Variants in RASA2 observed in about 807,000 individuals in gnomAD.
RASA2 encodes ras GTPase-activating protein 2.
RASA2 carries 155 observed loss-of-function variants against 118.2 expected under a neutral mutation model. The observed-to-expected ratio is 1.31, with a 90% CI of 1.15 to 1.50. The LOEUF (loss-of-function observed/expected upper bound fraction) is 1.50. Among genes scored for constraint, RASA2 ranks in the 40% most tolerant of loss-of-function variants. The probability of loss-of-function intolerance (pLI) is 0.00; values close to 1 mark genes in which losing one functional copy is unlikely to be tolerated. For synonymous variants in RASA2, 353 were observed against 349.1 expected, an observed-to-expected ratio of 1.01 and a Z score of -0.12; for missense variants, 1,016 against 1,009.6, an observed-to-expected ratio of 1.01 and a Z score of -0.09.
chr3:141,523,273 C>T (rs976000451), intron 3 of RASA2, among the ~76,000 whole-genome samples: 2 of 151,942 alleles, frequency 1.3e-5, no homozygotes, highest in African/African-American at 4.8e-5. Context: ...TTACAAATAC[C>T]CACCCCCACA....
chr3:141,579,395 G>T (rs1397112982), intron 15 of RASA2: 1 of 152,224 alleles, frequency 6.6e-6, no homozygotes, highest in East Asian at 1.9e-4. Flanking sequence ...AGGGAACACC[G>T]TTTAGTCAAT....
At chr3:141,522,836 T>G (rs2082131213) in intron 3 of RASA2, among the ~76,000 whole-genome samples, 1 of 152,152 alleles carries the variant, frequency 6.6e-6, no homozygotes, top group South Asian at 2.1e-4. Flanking sequence ...ACTGAGGGCT[T>G]TTCTGGTCCC....
At chr3:141,525,874 G>A (rs992539036) in intron 3 of RASA2, 3 of 151,908 alleles carry the variant, frequency 2.0e-5, no homozygotes, top group Non-Finnish European at 4.4e-5. Context: ...ACAATCTTTG[G>A]GACTATTAGA....
chr3:141,591,737 G>T (rs2083287805), intron 19 of RASA2, among the ~76,000 whole-genome samples: 1 of 151,700 alleles, frequency 6.6e-6, no homozygotes, highest in Admixed American at 6.6e-5. Flanking sequence ...AAATGCCCTA[G>T]CTTATATAGC....
chr3:141,496,846 C>T (rs2081709699), intron 1 of RASA2, among the ~76,000 whole-genome samples: 2 of 152,110 alleles, frequency 1.3e-5, no homozygotes, highest in Admixed American at 1.3e-4. Flanking sequence ...AATCATGCTG[C>T]TACAAAGACA....
At chr3:141,610,877 T>C (rs1172977761) in intron 23 of RASA2, among the ~76,000 whole-genome samples, 1 of 152,098 alleles carries the variant, frequency 6.6e-6, no homozygotes. Flanking sequence ...TTACTGATCC[T>C]CCTTCTACAG....
At chr3:141,556,681 G>A (rs1356349772) in intron 7 of RASA2, among the ~76,000 whole-genome samples, 3 of 152,006 alleles carry the variant, frequency 2.0e-5, no homozygotes, top group Non-Finnish European at 2.9e-5. Flanking sequence ...TTCTAATAAA[G>A]CATGTTGCAG....
chr3:141,499,501 A>G (rs2081748639), intron 1 of RASA2, among the ~76,000 whole-genome samples: 1 of 152,220 alleles, frequency 6.6e-6, no homozygotes, highest in Admixed American at 6.5e-5. Flanking sequence ...ATATTCCTAG[A>G]GTCCTGTGCC....
intron 5 of RASA2, among the ~76,000 whole-genome samples, chr3:141,543,143 T>C (rs2082430257): frequency 6.6e-6 from 1 of 152,022 alleles, no homozygotes. Context: ...TTGAACACTT[T>C]TTAGAATTCC....
chr3:141,546,574 A>G (rs1249844848), intron 5 of RASA2, among the ~76,000 whole-genome samples: 1 of 152,162 alleles, frequency 6.6e-6, no homozygotes, highest in Non-Finnish European at 1.5e-5. Context: ...TGACCTCCTT[A>G]CATATTCTGG....
chr3:141,594,638 C>T (rs1417054883), intron 19 of RASA2, among the ~76,000 whole-genome samples: 1 of 151,964 alleles, frequency 6.6e-6, no homozygotes, highest in Admixed American at 6.6e-5. Context: ...GTTTAAAATG[C>T]TAAAGGAACA....
chr3:141,560,002 G>A lies in RASA2; in HGVS notation c.863+7G>A. 1 of 1,605,128 alleles carries A rather than the reference G, an allele frequency of 6.2e-7. No homozygotes were observed. Among genetic ancestry groups the A allele is most frequent in the Non-Finnish European group, 8.5e-7 (1 of 1,172,330 alleles). Reference sequence around the variant, plus strand: ...ATTCCTCTCATCAAGCCTGGTAAGGGCCCAGCATTTTAGTGAACTCCATAG... The same window carrying A: ...ATTCCTCTCATCAAGCCTGGTAAGGACCCAGCATTTTAGTGAACTCCATAG... On this transcript the variant is annotated splice_region_variant and intron_variant, in intron 9 of 23. Transcript: ENST00000286364.
At chr3:141,557,530 T>C (rs1006474326) in intron 7 of RASA2, among the ~76,000 whole-genome samples, 2 of 152,070 alleles carry the variant, frequency 1.3e-5, no homozygotes, top group African/African-American at 4.8e-5. Context: ...ATTAGAAAGG[T>C]AGAGTAAGAC....
At chr3:141,493,617 CAGT>C (rs60789293) in intron 1 of RASA2, among the ~76,000 whole-genome samples, 6,407 of 152,162 alleles carry the variant, frequency 0.042, 440 homozygotes, top group African/African-American at 0.15. Context: ...TAAAAGGTAT[CAGT>C]AGAAAGGTTG....
At chr3:141,499,844 C>T (rs1258579239) in intron 1 of RASA2, among the ~76,000 whole-genome samples, 1 of 152,196 alleles carries the variant, frequency 6.6e-6, no homozygotes, top group African/African-American at 2.4e-5. Flanking sequence ...CCACCTCGGC[C>T]TCCCAAAGTG....
In RASA2 at chr3:141,571,742, C is replaced by A. The variant is rs78074823; in HGVS notation, c.1169+188C>A. ...AAACAGTATTCACCTACCTTAAGGA[C>A]AACAATTAATGAAGGATGTTTTTCT... On this transcript the variant is annotated intron_variant, in intron 11 of 23. Coordinates refer to ENST00000286364, the MANE Select transcript of RASA2 (RefSeq NM_006506.5). Among the ~76,000 whole-genome samples the A allele has an allele frequency of 0.012, 1,898 of 152,096 alleles. 13 individuals carry two copies. Among genetic ancestry groups the A allele is most frequent in the Non-Finnish European group, 0.019 (1,270 of 67,986 alleles).
intron 15 of RASA2, among the ~76,000 whole-genome samples, chr3:141,580,084 AAATATATATATATATAT>A (rs1318054783): frequency 1.1e-4 from 10 of 88,934 alleles, no homozygotes; most frequent in South Asian, 4.2e-4. Flanking sequence ...AAAAAAAAAA[AAATATATATATATATAT>A]ATATATATAT....
intron 1 of RASA2, among the ~76,000 whole-genome samples, chr3:141,490,289 G>A (rs947945941): frequency 1.3e-4 from 17 of 134,944 alleles, no homozygotes; most frequent in African/African-American, 4.5e-4. Flanking sequence ...CGAGTAGCAA[G>A]TATGCTAGAA....
intron 14 of RASA2, among the ~76,000 whole-genome samples, chr3:141,575,777 G>C (rs951714453): frequency 6.6e-5 from 10 of 152,026 alleles, no homozygotes; most frequent in Non-Finnish European, 1.5e-5. Context: ...ACACTTTATG[G>C]GGTTTTTTTG....
Sources: gnomAD v4.1 joint callset for allele counts (sites outside exome capture counted in the v4.1 genomes callset) on GRCh38, gnomAD v4.1.1 for gene constraint, MANE v1.5 for transcripts, NCBI Gene and HGNC (gene_info 2026-07-23, HGNC 2026-07-21) for gene names.